Variants in MYBL2 observed in about 807,000 individuals in gnomAD.
The protein encoded by MYBL2 is MYB proto-oncogene like 2, also known as myb-related protein B.
MYBL2 carries 28 observed loss-of-function variants against 79.9 expected under a neutral mutation model. The ratio of observed to expected loss-of-function variants is 0.35; its 90% confidence interval spans 0.26 to 0.48. The LOEUF (loss-of-function observed/expected upper bound fraction) is 0.48. Ranked by LOEUF, MYBL2 falls within the 20% of genes least tolerant of loss-of-function variation. The pLI is 0.99. For synonymous variants in MYBL2, 378 were observed against 361.2 expected, an observed-to-expected ratio of 1.05 and a Z score of -0.53; for missense variants, 735 against 893.9, an observed-to-expected ratio of 0.82 and a Z score of 2.27.
At chr20:43,669,441 C>A (rs1291878657) in intron 1 of MYBL2, among the ~76,000 whole-genome samples, 2 of 152,224 alleles carry the variant, frequency 1.3e-5, no homozygotes, top group East Asian at 3.9e-4. Flanking sequence ...CCACAGCCCT[C>A]AGCCCATTTC....
chr20:43,700,914 C>T (rs906291025), intron 7 of MYBL2, among the ~76,000 whole-genome samples: 2 of 152,198 alleles, frequency 1.3e-5, no homozygotes, highest in Admixed American at 6.5e-5. Context: ...TTGTATTGAG[C>T]ACCCACTGAT....
chr20:43,685,942 C>T (rs1987262823), intron 4 of MYBL2, among the ~76,000 whole-genome samples: 1 of 152,088 alleles, frequency 6.6e-6, no homozygotes, highest in African/African-American at 2.4e-5. Context: ...GAGGCTGAGG[C>T]AGGAGAATCA....
At chr20:43,689,094 A>G (rs1376020729) in intron 5 of MYBL2, among the ~76,000 whole-genome samples, 1 of 152,112 alleles carries the variant, frequency 6.6e-6, no homozygotes, top group Non-Finnish European at 1.5e-5. Flanking sequence ...CCTGGCCCTA[A>G]GCTGGATATT....
intron 3 of MYBL2, among the ~76,000 whole-genome samples, chr20:43,682,558 G>A (rs968470657): frequency 1.8e-4 from 27 of 152,222 alleles, no homozygotes; most frequent in Non-Finnish European, 3.7e-4. Flanking sequence ...TGTTCGGTTG[G>A]TAGGGAGCGG....
chr20:43,708,282 G>C (rs1987833447), intron 9 of MYBL2, among the ~76,000 whole-genome samples: 1 of 151,440 alleles, frequency 6.6e-6, no homozygotes, highest in South Asian at 2.1e-4. Context: ...TTGTTTTTTT[G>C]AGAGACAGGG....
chr20:43,685,337 C>T (rs985769717), intron 4 of MYBL2, among the ~76,000 whole-genome samples: 13 of 151,482 alleles, frequency 8.6e-5, no homozygotes, highest in South Asian at 4.2e-4. Context: ...CATGCTACCA[C>T]GCCTGGCTGA....
intron 7 of MYBL2, 83 bp from the exon 8 acceptor site, chr20:43,702,407 C>A: frequency 7.0e-7 from 1 of 1,423,990 alleles, no homozygotes; most frequent in Non-Finnish European, 9.6e-7. Flanking sequence ...TCATACTTGA[C>A]ACTTAAATAT....
chr20:43,686,009 C>T (rs748631996), intron 4 of MYBL2, among the ~76,000 whole-genome samples: 6 of 151,780 alleles, frequency 4.0e-5, no homozygotes, highest in Non-Finnish European at 8.8e-5. Context: ...TGCACTCCAG[C>T]CTGGGCAACA....
Position 43,688,421 on chromosome 20 carries a change from C to T in MYBL2, c.500+1349C>T, listed in dbSNP as rs1027171582. ...TTCACCATGTTGGCCAGGCTGGTCT[C>T]GAACTCTTGACCTCCTGCCCACCTC... On this transcript the variant is annotated intron_variant, in intron 5 of 13. Transcript: ENST00000217026. 1.1e-4 allele frequency among the ~76,000 whole-genome samples: 17 copies of T among 151,956 alleles called. No homozygotes were observed. In the South Asian group the frequency reaches 1.5e-3, roughly 13 times the overall value.
chr20:43,689,051 G>A (rs1362489103), intron 5 of MYBL2, among the ~76,000 whole-genome samples: 12 of 151,904 alleles, frequency 7.9e-5, no homozygotes, highest in East Asian at 3.9e-4. Context: ...TGGGCCTCCC[G>A]AAGTGCTGAG....
At chr20:43,667,374 C>G (rs982563115) in intron 1 of MYBL2, 71 bp downstream of exon 1, 3 of 1,089,952 alleles carry the variant, frequency 2.8e-6, no homozygotes, top group African/African-American at 1.6e-5. Flanking sequence ...CCAGATACCC[C>G]CGACCCTCCC....
Position 43,705,249 on chromosome 20 carries a change from T to C in MYBL2, c.1396T>C (p.Leu466=). 1 of 1,614,076 alleles carries C rather than the reference T, an allele frequency of 6.2e-7. No homozygotes were observed. Among genetic ancestry groups the C allele is most frequent in the South Asian group, 1.1e-5 (1 of 91,028 alleles). ...GAACTTCTGGAACAAACAGGACACATTGGAGCTGGAGAGCCCCTCGCTGAC... is the reference window on the plus strand; with the variant it reads ...GAACTTCTGGAACAAACAGGACACACTGGAGCTGGAGAGCCCCTCGCTGAC... ...FLNFWNKQDT[L]ELESPSLTST... is the part of the protein sequence containing the mutation. Residue 466 remains leucine (L), a synonymous_variant, in exon 9 of 14, where the codon TTG becomes CTG. Transcript: ENST00000217026.
At chr20:43,701,897 G>T (rs1987680915) in intron 7 of MYBL2, among the ~76,000 whole-genome samples, 1 of 152,138 alleles carries the variant, frequency 6.6e-6, no homozygotes, top group Non-Finnish European at 1.5e-5. Context: ...CGGGTGCAGT[G>T]GCTCACACCT....
chr20:43,678,931 A>T (rs945547097), intron 2 of MYBL2, among the ~76,000 whole-genome samples: 1 of 147,084 alleles, frequency 6.8e-6, no homozygotes, highest in African/African-American at 2.5e-5. Context: ...AGGGAGTGGG[A>T]GAGGGCGCTG....
intron 11 of MYBL2, 89 bp from the exon 12 acceptor site, chr20:43,712,913 T>TGTGACCATCCATGGCC (rs1326857548): frequency 2.0e-6 from 2 of 1,005,722 alleles, no homozygotes; most frequent in East Asian, 2.6e-5. Context: ...GGCCTGGTTT[T>TGTGACCATCCATGGCC]GTGACCATCC....
Position 43,709,944 on chromosome 20 carries a change from C to T in MYBL2, c.1506-19C>T. On this transcript the variant is annotated intron_variant, in intron 9 of 13. Transcript: ENST00000217026. Reference sequence around the variant, plus strand: ...GGCCCCTATCCTGTCACTAGTTCCCCCGTTCTGGCCCCTGGCAGGTTTGTA... The same window carrying T: ...GGCCCCTATCCTGTCACTAGTTCCCTCGTTCTGGCCCCTGGCAGGTTTGTA... The T allele has an allele frequency of 6.3e-7, 1 of 1,582,534 alleles. No individual in the cohort carries two copies. Among genetic ancestry groups the T allele is most frequent in the Non-Finnish European group, 8.6e-7 (1 of 1,159,406 alleles).
At chr20:43,686,443 G>GA (rs1318408666) in intron 4 of MYBL2, among the ~76,000 whole-genome samples, 1 of 152,192 alleles carries the variant, frequency 6.6e-6, no homozygotes, top group African/African-American at 2.4e-5. Context: ...GCTGGTGTGG[G>GA]AAAGTCTGTT....
intron 6 of MYBL2, 99 bp from the exon 7 acceptor site, chr20:43,699,658 C>A: frequency 7.6e-7 from 1 of 1,311,554 alleles, no homozygotes; most frequent in Non-Finnish European, 1.0e-6. Flanking sequence ...GGGTTCATCA[C>A]AGTTTCCTTC....
intron 11 of MYBL2, among the ~76,000 whole-genome samples, chr20:43,712,194 C>T (rs1375716446): frequency 6.6e-6 from 1 of 152,150 alleles, no homozygotes; most frequent in Non-Finnish European, 1.5e-5. Flanking sequence ...GCCTCCCTCC[C>T]ACTGCGTCGT....
Sources: allele counts gnomAD v4.1 joint callset (sites outside exome capture counted in the v4.1 genomes callset), GRCh38; gene constraint gnomAD v4.1.1; transcripts MANE v1.5; gene names NCBI Gene and HGNC (gene_info 2026-07-23, HGNC 2026-07-21).